Variants in ULK4 observed in about 807,000 individuals in gnomAD.
ULK4 encodes the protein unc-51 like kinase 4.
In ULK4, 133 loss-of-function variants were observed where a neutral mutation model predicts 160.6. The ratio of observed to expected loss-of-function variants is 0.83; its 90% confidence interval spans 0.72 to 0.96. The LOEUF is 0.96. ULK4 is among the 40% of genes least tolerant of loss of function. The pLI is 0.00. For missense variants in ULK4, 1,580 were observed against 1,499.5 expected (o/e 1.05, Z -0.89); for synonymous variants, 534 against 539.8 (o/e 0.99, Z 0.15).
chr3:41,643,332 G>A (rs1481351907), intron 30 of ULK4, among the ~76,000 whole-genome samples: 10 of 152,078 alleles, frequency 6.6e-5, no homozygotes, highest in Admixed American at 1.3e-4. Flanking sequence ...TAGGTGTAAC[G>A]TTTAAGTCTT....
intron 14 of ULK4, among the ~76,000 whole-genome samples, chr3:41,897,396 CAATAA>C (rs546024854): frequency 2.4e-3 from 366 of 151,946 alleles, no homozygotes; most frequent in African/African-American, 7.9e-3. Context: ...TAAAAAGTTC[CAATAA>C]AATTATTGTA....
intron 17 of ULK4, among the ~76,000 whole-genome samples, chr3:41,838,571 A>C (rs1427707428): frequency 6.6e-6 from 1 of 152,206 alleles, no homozygotes; most frequent in Non-Finnish European, 1.5e-5. Flanking sequence ...CAGGAAGGTA[A>C]TAAAAAGAAA....
At chr3:41,658,733 A>ACACACACACACACACTGT (rs2035033853) in intron 30 of ULK4, among the ~76,000 whole-genome samples, 2 of 131,584 alleles carry the variant, frequency 1.5e-5, no homozygotes, top group African/African-American at 2.8e-5. Flanking sequence ...AACAGTACAC[A>ACACACACACACACACTGT]CACACACACA....
chr3:41,346,226 T>C (rs1050537398), intron 35 of ULK4, among the ~76,000 whole-genome samples: 1 of 152,170 alleles, frequency 6.6e-6, no homozygotes, highest in Non-Finnish European at 1.5e-5. Context: ...GCGTTTCACC[T>C]AGTGCACTGA....
intron 34 of ULK4, among the ~76,000 whole-genome samples, chr3:41,447,578 A>G (rs565640884): frequency 2.6e-5 from 4 of 152,246 alleles, no homozygotes; most frequent in African/African-American, 9.6e-5. Flanking sequence ...AAATCTAAAC[A>G]TTGAATGTCA....
chr3:41,561,824 C>T (rs759992381), intron 32 of ULK4, among the ~76,000 whole-genome samples: 14 of 152,054 alleles, frequency 9.2e-5, no homozygotes, highest in Non-Finnish European at 1.8e-4. Context: ...CCTGGATTCA[C>T]TGATTTTTTG....
At chr3:41,815,229 C>A (rs1175297533) in intron 19 of ULK4, among the ~76,000 whole-genome samples, 1 of 152,160 alleles carries the variant, frequency 6.6e-6, no homozygotes, top group Non-Finnish European at 1.5e-5. Flanking sequence ...TAGTCATTTT[C>A]TCTTAACTAT....
intron 34 of ULK4, among the ~76,000 whole-genome samples, chr3:41,430,912 G>T (rs1040855857): frequency 6.6e-6 from 1 of 152,040 alleles, no homozygotes; most frequent in African/African-American, 2.4e-5. Flanking sequence ...TTTGGGGGTG[G>T]GGGTGGCAAA....
At chr3:41,664,655 C>G (rs2035298405) in intron 29 of ULK4, among the ~76,000 whole-genome samples, 1 of 152,156 alleles carries the variant, frequency 6.6e-6, no homozygotes, top group Non-Finnish European at 1.5e-5. Context: ...CCCTTATCAG[C>G]TGTTAACTGG....
intron 34 of ULK4, among the ~76,000 whole-genome samples, chr3:41,411,648 G>A (rs1007117433): frequency 1.3e-5 from 2 of 152,008 alleles, no homozygotes; most frequent in African/African-American, 4.8e-5. Context: ...GGCTAGGCTG[G>A]TCTCGAACTC....
chr3:41,427,025 T>C (rs751361430), intron 34 of ULK4, among the ~76,000 whole-genome samples: 6 of 151,308 alleles, frequency 4.0e-5, no homozygotes, highest in Non-Finnish European at 8.8e-5. Context: ...GCTAGACAAA[T>C]AAAGAAGAAA....
At chr3:41,826,857 T>C (rs2041375373) in intron 18 of ULK4, among the ~76,000 whole-genome samples, 1 of 143,318 alleles carries the variant, frequency 7.0e-6, no homozygotes. Context: ...AGAATATACA[T>C]TTTTTTCAGC....
intron 31 of ULK4, among the ~76,000 whole-genome samples, chr3:41,582,400 T>G (rs1399599537): frequency 6.6e-6 from 1 of 152,192 alleles, no homozygotes; most frequent in African/African-American, 2.4e-5. Context: ...CCTAGGATAT[T>G]AATTTCTTTT....
At chr3:41,554,484 T>G (rs1171831533) in intron 32 of ULK4, among the ~76,000 whole-genome samples, 1 of 152,156 alleles carries the variant, frequency 6.6e-6, no homozygotes, top group Non-Finnish European at 1.5e-5. Flanking sequence ...TTCTCATTCA[T>G]ATGTGCAATC....
At chr3:41,802,278 T>C (rs2040485339) in intron 19 of ULK4, among the ~76,000 whole-genome samples, 1 of 152,194 alleles carries the variant, frequency 6.6e-6, no homozygotes, top group Non-Finnish European at 1.5e-5. Flanking sequence ...TTTTTGAGCC[T>C]ATTTTAAACA....
At chr3:41,329,594 A>C (rs978031548) in intron 35 of ULK4, among the ~76,000 whole-genome samples, 2 of 139,922 alleles carry the variant, frequency 1.4e-5, no homozygotes, top group Admixed American at 1.4e-4. Context: ...ATTGAATCTC[A>C]CCATAGTTGT....
intron 34 of ULK4, among the ~76,000 whole-genome samples, chr3:41,421,237 G>A (rs984115900): frequency 1.3e-5 from 2 of 151,912 alleles, no homozygotes; most frequent in Non-Finnish European, 2.9e-5. Context: ...CTTTTTTCTA[G>A]GTATAACAAT....
At chr3:41,400,395 C>T (rs903550300) in intron 34 of ULK4, among the ~76,000 whole-genome samples, 9 of 151,974 alleles carry the variant, frequency 5.9e-5, no homozygotes, top group Non-Finnish European at 1.0e-4. Context: ...GACCACACAC[C>T]GGTTTGCCAT....
intron 31 of ULK4, among the ~76,000 whole-genome samples, chr3:41,582,447 G>A (rs1200469314): frequency 6.6e-6 from 1 of 152,118 alleles, no homozygotes; most frequent in Non-Finnish European, 1.5e-5. Flanking sequence ...GAAATACACT[G>A]TCATTATAAA....
Sources: allele counts gnomAD v4.1 joint callset (sites outside exome capture counted in the v4.1 genomes callset), GRCh38; gene constraint gnomAD v4.1.1; transcripts MANE v1.5; gene names NCBI Gene and HGNC (gene_info 2026-07-23, HGNC 2026-07-21).